Variants in BAZ2B observed in about 807,000 individuals in gnomAD.
BAZ2B encodes the protein bromodomain adjacent to zinc finger domain protein 2B.
In BAZ2B, 91 loss-of-function variants were observed where a neutral mutation model predicts 246.0. The observed-to-expected ratio is 0.37, with a 90% CI of 0.31 to 0.44. BAZ2B has a LOEUF of 0.44. Ranked by LOEUF, BAZ2B falls within the 20% of genes least tolerant of loss-of-function variation. The pLI is 1.00. For missense variants in BAZ2B, 2,332 were observed against 2,533.7 expected (o/e 0.92, Z 1.71); for synonymous variants, 855 against 860.0 (o/e 0.99, Z 0.10).
At chr2:159,529,820 T>C (rs1281006945) in intron 2 of BAZ2B, among the ~76,000 whole-genome samples, 1 of 152,070 alleles carries the variant, frequency 6.6e-6, no homozygotes, top group Non-Finnish European at 1.5e-5. Context: ...GATCATCATA[T>C]AACCTCTGAT....
the BAZ2B span, among the ~76,000 whole-genome samples, chr2:159,667,167 T>C: frequency 4.0e-5 from 6 of 150,566 alleles, no homozygotes; most frequent in Middle Eastern, 3.4e-3. Context: ...TTTTTTTTAA[T>C]TTTTTTCTCA....
chr2:159,455,767 T>C (rs944468946), intron 3 of BAZ2B, among the ~76,000 whole-genome samples: 112 of 141,624 alleles, frequency 7.9e-4, no homozygotes, highest in African/African-American at 2.7e-3. Flanking sequence ...ATTGTGGTTT[T>C]TTTTTTTTTT....
At chr2:159,701,948 C>T in the BAZ2B span, among the ~76,000 whole-genome samples, 4 of 151,994 alleles carry the variant, frequency 2.6e-5, no homozygotes, top group Non-Finnish European at 5.9e-5. Flanking sequence ...AGGCTGGTCT[C>T]GAACTCCTGA....
the BAZ2B span, among the ~76,000 whole-genome samples, chr2:159,691,900 A>G: frequency 6.6e-6 from 1 of 152,336 alleles, no homozygotes; most frequent in Admixed American, 6.5e-5. Context: ...AGCAATAGGA[A>G]GCAGCTGCAA....
At chr2:159,564,896 A>T (rs1029093465) in intron 1 of BAZ2B, among the ~76,000 whole-genome samples, 1 of 152,174 alleles carries the variant, frequency 6.6e-6, no homozygotes, top group Non-Finnish European at 1.5e-5. Flanking sequence ...TTTGAGGCAG[A>T]GTCTCACTCT....
chr2:159,607,419 A>T (rs1253824145), intron 1 of BAZ2B, among the ~76,000 whole-genome samples: 1 of 152,178 alleles, frequency 6.6e-6, no homozygotes, highest in South Asian at 2.1e-4. Context: ...GGTTAATCTC[A>T]AAACAGAAGA....
chr2:159,368,186 C>T (rs2060433236), intron 27 of BAZ2B, among the ~76,000 whole-genome samples: 1 of 152,148 alleles, frequency 6.6e-6, no homozygotes, highest in Non-Finnish European at 1.5e-5. Context: ...TCCTGAGTAA[C>T]TGAGATTACA....
At chr2:159,508,729 C>A (rs2082598417) in intron 2 of BAZ2B, among the ~76,000 whole-genome samples, 1 of 152,150 alleles carries the variant, frequency 6.6e-6, no homozygotes, top group Non-Finnish European at 1.5e-5. Context: ...TTAAAGAAAA[C>A]TTCCAATTAG....
the BAZ2B span, among the ~76,000 whole-genome samples, chr2:159,697,971 T>G: frequency 6.6e-6 from 1 of 152,192 alleles, no homozygotes; most frequent in Non-Finnish European, 1.5e-5. Context: ...TAAGTAACTT[T>G]GCCTCCCTCA....
At chr2:159,403,696 A>C (rs2065457688) in intron 16 of BAZ2B, among the ~76,000 whole-genome samples, 2 of 152,218 alleles carry the variant, frequency 1.3e-5, no homozygotes, top group South Asian at 4.1e-4. Flanking sequence ...ACTTTAAATT[A>C]TGGTGGTAAA....
At chr2:159,708,676 G>A in the BAZ2B span, among the ~76,000 whole-genome samples, 1 of 151,772 alleles carries the variant, frequency 6.6e-6, no homozygotes, top group Non-Finnish European at 1.5e-5. Flanking sequence ...CTGGGCTCAA[G>A]CAATCCTCCT....
At chr2:159,615,270 G>T (rs1695665195) in intron 1 of BAZ2B, 1 of 100,406 alleles carries the variant, frequency 1.0e-5, no homozygotes, top group Admixed American at 1.6e-4. Context: ...AGGGAGCCGC[G>T]AAAGAGAACG....
chr2:159,616,013 C>G (rs1462239272), intron 1 of BAZ2B: 1 of 152,380 alleles, frequency 6.6e-6, no homozygotes, highest in African/African-American at 2.4e-5. Flanking sequence ...CTCGGGACCC[C>G]GAGAACCACC....
At chr2:159,484,928 A>C (rs1414457579) in intron 2 of BAZ2B, among the ~76,000 whole-genome samples, 1 of 152,192 alleles carries the variant, frequency 6.6e-6, no homozygotes, top group Non-Finnish European at 1.5e-5. Context: ...TTTTTTAAAG[A>C]ATGATTTTAT....
intron 1 of BAZ2B, among the ~76,000 whole-genome samples, chr2:159,561,301 T>C (rs894551577): frequency 6.6e-6 from 1 of 152,190 alleles, no homozygotes; most frequent in South Asian, 2.1e-4. Context: ...TGAGTTGTTA[T>C]AAAGCCAAGA....
chr2:159,539,575 C>G (rs2086407759), intron 2 of BAZ2B, among the ~76,000 whole-genome samples: 1 of 151,976 alleles, frequency 6.6e-6, no homozygotes. Flanking sequence ...ATCAACCAAC[C>G]AAAAAAATCT....
intron 1 of BAZ2B, chr2:159,615,876 C>T (rs1247251315): frequency 6.6e-6 from 1 of 152,462 alleles, no homozygotes; most frequent in Non-Finnish European, 1.5e-5. Context: ...GGGAGCACAA[C>T]CCACGGCCCT....
intron 2 of BAZ2B, among the ~76,000 whole-genome samples, chr2:159,526,287 T>C (rs1043255086): frequency 6.6e-6 from 1 of 152,066 alleles, no homozygotes; most frequent in African/African-American, 2.4e-5. Context: ...ACTGGTACAA[T>C]TATATAGAAA....
chr2:159,403,108 TG>T (rs2065349656), intron 16 of BAZ2B, among the ~76,000 whole-genome samples: 1 of 152,186 alleles, frequency 6.6e-6, no homozygotes, highest in South Asian at 2.1e-4. Context: ...GTGATATTTT[TG>T]GTCTACTAGG....
Sources: gnomAD v4.1 joint callset for allele counts (sites outside exome capture counted in the v4.1 genomes callset) on GRCh38, gnomAD v4.1.1 for gene constraint, MANE v1.5 for transcripts, NCBI Gene and HGNC (gene_info 2026-07-23, HGNC 2026-07-21) for gene names.